The following STAG1 variants were observed in gnomAD, a reference collection of about 807,000 sequenced individuals.
The protein encoded by STAG1 is STAG1 cohesin complex component.
Under a neutral mutation model 170.9 loss-of-function variants are expected in STAG1, and 26 were observed. That is an observed-to-expected ratio of 0.15 (90% CI 0.11 to 0.21). The LOEUF (loss-of-function observed/expected upper bound fraction) is 0.21. STAG1 is among the 10% of genes least tolerant of loss of function. The pLI is 1.00. For missense variants in STAG1, 964 were observed against 1,509.5 expected, an observed-to-expected ratio of 0.64 and a Z score of 5.99; for synonymous variants, 514 against 497.7, an observed-to-expected ratio of 1.03 and a Z score of -0.44.
intron 2 of STAG1, among the ~76,000 whole-genome samples, chr3:136,626,386 C>T (rs1940093378): frequency 2.0e-5 from 3 of 150,408 alleles, no homozygotes; most frequent in East Asian, 3.9e-4. Context: ...GATCACGCCA[C>T]TGCACTCCAG....
At position 136,405,231 on chromosome 3, in the gene STAG1, CTTT is replaced by C. The variant is rs554475207; in HGVS notation, c.2197-6405_2197-6403del. On this transcript the variant is annotated intron_variant, in intron 21 of 33. Transcript: ENST00000383202. ...AATAAATAAACACATGAAAAAACCT[CTTT>C]TTTTTTTTTTTTTTTTTTTTTTTTT... Among the ~76,000 whole-genome samples the C allele has an allele frequency of 2.3e-3, 142 of 60,896 alleles. 1 individual carries two copies. The highest frequency in any genetic ancestry group is 5.1e-3 in the South Asian group (5 of 986). 40.0% of individuals were successfully genotyped at this position (60,896 alleles called of 152,430 possible).
At chr3:136,678,853 A>AT (rs1362933522) in intron 1 of STAG1, among the ~76,000 whole-genome samples, 1 of 149,682 alleles carries the variant, frequency 6.7e-6, no homozygotes, top group African/African-American at 2.4e-5. Context: ...ATGCTCACAA[A>AT]AAAAAAAAAA....
chr3:136,423,948 C>G (rs1295667908), intron 16 of STAG1, among the ~76,000 whole-genome samples: 1 of 151,858 alleles, frequency 6.6e-6, no homozygotes, highest in Non-Finnish European at 1.5e-5. Context: ...CCTGCAACCT[C>G]TGCCTCCTGG....
chr3:136,703,668 T>C (rs1404821464), intron 1 of STAG1, among the ~76,000 whole-genome samples: 1 of 152,140 alleles, frequency 6.6e-6, no homozygotes, highest in Non-Finnish European at 1.5e-5. Flanking sequence ...AGTTCTTCCT[T>C]ATCAGCAATT....
chr3:136,444,930 G>A (rs1216729696), intron 14 of STAG1, among the ~76,000 whole-genome samples: 3 of 151,972 alleles, frequency 2.0e-5, no homozygotes, highest in Non-Finnish European at 2.9e-5. Context: ...GCACAATCAC[G>A]GCTCACTGCA....
intron 6 of STAG1, among the ~76,000 whole-genome samples, chr3:136,522,499 T>C (rs1934730715): frequency 6.6e-6 from 1 of 152,102 alleles, no homozygotes; most frequent in African/African-American, 2.4e-5. Flanking sequence ...TGCTTCTATA[T>C]CACAAAACCC....
intron 23 of STAG1, among the ~76,000 whole-genome samples, chr3:136,374,680 C>G (rs1164489386): frequency 2.0e-5 from 3 of 150,094 alleles, no homozygotes; most frequent in Non-Finnish European, 3.0e-5. Context: ...GGTATTATTA[C>G]AAAAGAGTTT....
intron 3 of STAG1, among the ~76,000 whole-genome samples, chr3:136,605,418 A>T (rs1938884683): frequency 6.6e-6 from 1 of 152,228 alleles, no homozygotes; most frequent in Admixed American, 6.5e-5. Flanking sequence ...ACATTCATTC[A>T]TTCACATACA....
intron 3 of STAG1, among the ~76,000 whole-genome samples, chr3:136,614,973 A>C (rs1366285735): frequency 1.3e-5 from 2 of 152,228 alleles, no homozygotes; most frequent in Non-Finnish European, 2.9e-5. Context: ...ATATAAAATA[A>C]TAAACTATAG....
chr3:136,696,519 T>C (rs1195472791), intron 1 of STAG1, among the ~76,000 whole-genome samples: 1 of 152,076 alleles, frequency 6.6e-6, no homozygotes. Flanking sequence ...TAAATACTAA[T>C]GTAAACTATG....
chr3:136,602,740 A>G (rs1042434196), intron 4 of STAG1, among the ~76,000 whole-genome samples: 3 of 151,984 alleles, frequency 2.0e-5, no homozygotes, highest in African/African-American at 4.8e-5. Flanking sequence ...AATCCCAGCT[A>G]TTCAGGAGGC....
At chr3:136,598,006 T>A (rs1200493205) in intron 4 of STAG1, among the ~76,000 whole-genome samples, 1 of 152,280 alleles carries the variant, frequency 6.6e-6, no homozygotes, top group South Asian at 2.1e-4. Flanking sequence ...CTATATATTA[T>A]CACATAATTT....
chr3:136,471,327 G>A (rs911264818), intron 12 of STAG1, among the ~76,000 whole-genome samples: 1 of 151,998 alleles, frequency 6.6e-6, no homozygotes, highest in African/African-American at 2.4e-5. Context: ...AGTCAATGGA[G>A]TTCTAATATT....
At chr3:136,347,395 C>CAAAAA (rs34533734) in intron 29 of STAG1, among the ~76,000 whole-genome samples, 9 of 78,708 alleles carry the variant, frequency 1.1e-4, no homozygotes, top group East Asian at 4.3e-4. Flanking sequence ...GATCCTGTCT[C>CAAAAA]AAAAAAAAAA....
chr3:136,738,869 T>C (rs1170625760), intron 1 of STAG1, among the ~76,000 whole-genome samples: 1 of 152,130 alleles, frequency 6.6e-6, no homozygotes, highest in Non-Finnish European at 1.5e-5. Flanking sequence ...TTCCATAATG[T>C]ACACATATAC....
At chr3:136,505,515 CATT>C (rs1277918003) in intron 7 of STAG1, among the ~76,000 whole-genome samples, 1 of 152,146 alleles carries the variant, frequency 6.6e-6, no homozygotes, top group East Asian at 1.9e-4. Context: ...ATTTCCACCG[CATT>C]TTACAAAAGT....
chr3:136,372,473 T>C (rs940609436), intron 23 of STAG1, among the ~76,000 whole-genome samples: 6 of 152,172 alleles, frequency 3.9e-5, no homozygotes, highest in Non-Finnish European at 7.3e-5. Flanking sequence ...CAGTATGATA[T>C]TGACTGTGGG....
intron 1 of STAG1, among the ~76,000 whole-genome samples, chr3:136,745,413 A>AC (rs1934884618): frequency 6.6e-6 from 1 of 152,292 alleles, no homozygotes; most frequent in African/African-American, 2.4e-5. Context: ...CGTTTTTGGT[A>AC]CCAGGGACCA....
chr3:136,747,078 A>G (rs1445659960), intron 1 of STAG1, among the ~76,000 whole-genome samples: 2 of 142,054 alleles, frequency 1.4e-5, no homozygotes, highest in African/African-American at 5.4e-5. Context: ...CCTGGGCAAC[A>G]AGAGTGAAAC....
Sources: allele counts gnomAD v4.1 joint callset (sites outside exome capture counted in the v4.1 genomes callset), GRCh38; gene constraint gnomAD v4.1.1; transcripts MANE v1.5; gene names NCBI Gene and HGNC (gene_info 2026-07-23, HGNC 2026-07-21).